HECW1: variants seen among roughly 807,000 people sequenced by gnomAD.
HECW1 encodes HECT, C2 and WW domain containing E3 ubiquitin protein ligase 1.
In HECW1, 61 loss-of-function variants were observed where a neutral mutation model predicts 182.3. That is an observed-to-expected ratio of 0.33 (90% CI 0.27 to 0.41). HECW1 has a LOEUF of 0.41. Ranked by LOEUF, HECW1 falls within the 10% of genes least tolerant of loss-of-function variation. HECW1 has a pLI of 1.00. For missense variants in HECW1, 1,739 were observed against 2,108.9 expected (o/e 0.82, Z 3.44); for synonymous variants, 859 against 832.6 (o/e 1.03, Z -0.55).
chr7:43,347,483 A>T (rs1813834774), intron 5 of HECW1, among the ~76,000 whole-genome samples: 1 of 152,062 alleles, frequency 6.6e-6, no homozygotes, highest in South Asian at 2.1e-4. Context: ...TGACAGTTTG[A>T]CTTCCTCTTT....
At chr7:43,132,361 T>C (rs1787041493) in intron 2 of HECW1, among the ~76,000 whole-genome samples, 2 of 152,230 alleles carry the variant, frequency 1.3e-5, no homozygotes, top group Admixed American at 6.5e-5. Flanking sequence ...CACTTACTAA[T>C]AGGGACAAAT....
chr7:43,436,207 A>T (rs2076707326), intron 8 of HECW1, among the ~76,000 whole-genome samples: 1 of 150,970 alleles, frequency 6.6e-6, no homozygotes, highest in African/African-American at 2.4e-5. Flanking sequence ...AGGATTCATC[A>T]GAATAAAAGA....
At chr7:43,427,470 T>C (rs567059160) in intron 8 of HECW1, among the ~76,000 whole-genome samples, 1 of 152,318 alleles carries the variant, frequency 6.6e-6, no homozygotes, top group Non-Finnish European at 1.5e-5. Flanking sequence ...GCACACTTAT[T>C]TAAACATCAA....
chr7:43,300,061 C>T lies in HECW1; in HGVS notation c.28-11702C>T, dbSNP rs17642825. Among the ~76,000 whole-genome samples the T allele has an allele frequency of 2.5e-3, 379 of 152,308 alleles. 5 individuals carry two copies. The highest frequency in any genetic ancestry group is 0.01 in the East Asian group (52 of 5,190). ...TTAAAAAGCAAGGCTTTGTCTTTGC[C>T]TCGTTGTGATTTCTTTCTTCTATCA... On this transcript the variant is annotated intron_variant, in intron 3 of 29. Transcript: ENST00000395891.
intron 8 of HECW1, among the ~76,000 whole-genome samples, chr7:43,436,099 G>C (rs1362762852): frequency 1.4e-5 from 2 of 143,572 alleles, no homozygotes; most frequent in African/African-American, 5.3e-5. Context: ...GGGAGGCAGA[G>C]CTTGCAGTGA....
chr7:43,121,468 C>T (rs761959820), intron 2 of HECW1, among the ~76,000 whole-genome samples: 1 of 152,128 alleles, frequency 6.6e-6, no homozygotes, highest in Non-Finnish European at 1.5e-5. Flanking sequence ...GGCAGCCAAG[C>T]AAATCATTTT....
intron 2 of HECW1, among the ~76,000 whole-genome samples, chr7:43,215,239 C>T (rs73690270): frequency 1.0e-3 from 157 of 152,360 alleles, no homozygotes; most frequent in African/African-American, 3.6e-3. Context: ...AGAGCCCTTG[C>T]TGTGCCCGCA....
chr7:43,558,487 C>T lies in HECW1; in HGVS notation c.4710-3328C>T, dbSNP rs777635683. On this transcript the variant is annotated intron_variant, in intron 29 of 29. Coordinates refer to ENST00000395891, the MANE Select transcript of HECW1 (RefSeq NM_015052.5). The stretch of plus-strand genomic sequence containing the variant: ...ATTCTCAAAGTGGGGCTGGGGAAGG[C>T]GACTTTGCCCCTCTTCCCCCGCAAG... Among the ~76,000 whole-genome samples, 6 of 152,136 alleles carry T rather than the reference C, an allele frequency of 3.9e-5. No individual in the cohort carries two copies. In the South Asian group the frequency reaches 8.3e-4, roughly 21 times the overall value.
intron 8 of HECW1, among the ~76,000 whole-genome samples, chr7:43,435,669 G>A (rs1371397487): frequency 6.6e-6 from 1 of 152,128 alleles, no homozygotes; most frequent in Admixed American, 6.6e-5. Context: ...CTCTGTCACT[G>A]TAACTGGCAA....
At chr7:43,488,488 G>GAAAGAAAA (rs767310220) in intron 17 of HECW1, among the ~76,000 whole-genome samples, 1 of 112,616 alleles carries the variant, frequency 8.9e-6, no homozygotes, top group African/African-American at 3.6e-5. Context: ...AAGAAAGAAA[G>GAAAGAAAA]AGAAAGAAAG....
At chr7:43,206,810 A>T in intron 2 of HECW1, among the ~76,000 whole-genome samples, 1 of 152,192 alleles carries the variant, frequency 6.6e-6, no homozygotes, top group Non-Finnish European at 1.5e-5. Flanking sequence ...TCACTTCTAG[A>T]TTCAGTATTC....
intron 2 of HECW1, among the ~76,000 whole-genome samples, chr7:43,230,501 A>G (rs984510157): frequency 3.3e-4 from 50 of 152,352 alleles, no homozygotes; most frequent in African/African-American, 1.1e-3. Flanking sequence ...CACAAAGGAC[A>G]TTATTGAGAA....
intron 24 of HECW1, among the ~76,000 whole-genome samples, chr7:43,521,780 G>T (rs2080488337): frequency 6.6e-6 from 1 of 152,234 alleles, no homozygotes; most frequent in African/African-American, 2.4e-5. Flanking sequence ...GAAGGCTAAG[G>T]CAGGAGAATC....
At chr7:43,383,810 A>G (rs2074657601) in intron 6 of HECW1, among the ~76,000 whole-genome samples, 1 of 137,500 alleles carries the variant, frequency 7.3e-6, no homozygotes, top group Non-Finnish European at 1.6e-5. Context: ...CCTGTTGTTA[A>G]CTAGAAGCCT....
chr7:43,521,853 C>A (rs2152939204), intron 24 of HECW1, among the ~76,000 whole-genome samples: 1 of 152,298 alleles, frequency 6.6e-6, no homozygotes, highest in Admixed American at 6.5e-5. Flanking sequence ...GCCTGAGCAA[C>A]AAAAGCAAAA....
intron 24 of HECW1, chr7:43,522,499 G>A (rs2080531910): frequency 6.6e-6 from 1 of 152,352 alleles, no homozygotes; most frequent in African/African-American, 2.4e-5. Flanking sequence ...GCGGGCTGCT[G>A]GAAGGATTCC....
At chr7:43,174,493 T>C (rs1792011025) in intron 2 of HECW1, among the ~76,000 whole-genome samples, 1 of 152,202 alleles carries the variant, frequency 6.6e-6, no homozygotes, top group Admixed American at 6.5e-5. Flanking sequence ...TCTGCTTCCT[T>C]GATCTTCTCC....
At chr7:43,118,158 C>G (rs1212319111) in intron 2 of HECW1, 4 of 152,296 alleles carry the variant, frequency 2.6e-5, no homozygotes, top group African/African-American at 9.7e-5. Flanking sequence ...TTTAGTGAAG[C>G]AGATTTTCCA....
At chr7:43,372,403 C>T (rs534649690) in intron 6 of HECW1, among the ~76,000 whole-genome samples, 7 of 128,866 alleles carry the variant, frequency 5.4e-5, no homozygotes, top group African/African-American at 2.1e-4. Context: ...TACATGTGCA[C>T]AACGTGCAGG....
Sources: gnomAD v4.1 joint callset for allele counts (sites outside exome capture counted in the v4.1 genomes callset) on GRCh38, gnomAD v4.1.1 for gene constraint, MANE v1.5 for transcripts, NCBI Gene and HGNC (gene_info 2026-07-23, HGNC 2026-07-21) for gene names.